The following CACNB4 variants were observed in gnomAD, a reference collection of about 807,000 sequenced individuals.
CACNB4 encodes the protein voltage-dependent L-type calcium channel subunit beta-4.
In CACNB4, 32 loss-of-function variants were observed where a neutral mutation model predicts 71.2. The ratio of observed to expected loss-of-function variants is 0.45; its 90% CI spans 0.34 to 0.60. The LOEUF (loss-of-function observed/expected upper bound fraction) is 0.60. Ranked by LOEUF, CACNB4 falls within the 20% of genes least tolerant of loss-of-function variation. CACNB4 has a pLI of 0.01. For missense variants in CACNB4, 464 were observed against 647.9 expected, an observed-to-expected ratio of 0.72 and a Z score of 3.08; for synonymous variants, 231 against 236.9, an observed-to-expected ratio of 0.97 and a Z score of 0.23.
At chr2:151,886,106 C>T (rs1157636645) in intron 2 of CACNB4, among the ~76,000 whole-genome samples, 1 of 152,088 alleles carries the variant, frequency 6.6e-6, no homozygotes, top group African/African-American at 2.4e-5. Context: ...AACCGCTGTG[C>T]CTGACCCAGT....
intron 2 of CACNB4, among the ~76,000 whole-genome samples, chr2:151,886,707 C>T (rs963842605): frequency 6.6e-6 from 1 of 152,030 alleles, no homozygotes; most frequent in African/African-American, 2.4e-5. Context: ...ATGTCATCTA[C>T]ATTGCTTTGT....
chr2:151,838,931 C>CATCT lies in CACNB4; in HGVS notation c.*184_*187dup. On this transcript the variant is annotated 3_prime_UTR_variant, in exon 14 of 14. Transcript: ENST00000539935. ...ACTTAAAAATATCTATATGATCGGG[C>CATCT]ATCTAATATCCATCTAGACTCAAGG... 1 of 485,206 alleles carries CATCT rather than the reference C, an allele frequency of 2.1e-6. No individual in the cohort carries two copies. The allele number at this position is 485,206 out of a possible 1,614,324, so 30.1% of individuals were successfully genotyped here.
intron 2 of CACNB4, among the ~76,000 whole-genome samples, chr2:152,027,041 G>A (rs1239428232): frequency 6.6e-6 from 1 of 152,040 alleles, no homozygotes; most frequent in African/African-American, 2.4e-5. Context: ...TCAGTAGCTG[G>A]GATTACAGGC....
chr2:151,998,803 G>A (rs751805526), intron 2 of CACNB4, among the ~76,000 whole-genome samples: 1 of 152,180 alleles, frequency 6.6e-6, no homozygotes, highest in Non-Finnish European at 1.5e-5. Flanking sequence ...TTCGAGGGCT[G>A]TCTACCCTAG....
intron 2 of CACNB4, 129 bp from the exon 3 acceptor site, chr2:151,883,499 C>T: frequency 3.7e-6 from 3 of 820,744 alleles, no homozygotes; most frequent in Admixed American, 4.0e-5. Context: ...TGCCTTATTG[C>T]AGATATAAAT....
At chr2:152,001,176 C>T (rs1013388238) in intron 2 of CACNB4, among the ~76,000 whole-genome samples, 28 of 152,120 alleles carry the variant, frequency 1.8e-4, no homozygotes, top group African/African-American at 6.8e-4. Context: ...AGGTCGGGAT[C>T]AGAGCACATG....
chr2:151,993,685 C>G (rs748545371), intron 2 of CACNB4, among the ~76,000 whole-genome samples: 2 of 151,690 alleles, frequency 1.3e-5, no homozygotes, highest in Non-Finnish European at 2.9e-5. Context: ...CTGCCTCAGC[C>G]TCCCGAGTAG....
At chr2:152,014,788 T>G (rs183251775) in intron 2 of CACNB4, among the ~76,000 whole-genome samples, 1 of 152,134 alleles carries the variant, frequency 6.6e-6, no homozygotes. Context: ...TAAAAAAAAG[T>G]CTTGTTGGCC....
chr2:152,071,781 C>A (rs1686707633), intron 2 of CACNB4, among the ~76,000 whole-genome samples: 1 of 152,182 alleles, frequency 6.6e-6, no homozygotes, highest in East Asian at 1.9e-4. Context: ...CCTTTTCCTT[C>A]TATTTTCTAA....
intron 2 of CACNB4, among the ~76,000 whole-genome samples, chr2:151,966,289 T>G (rs1457948719): frequency 1.3e-5 from 2 of 152,190 alleles, no homozygotes; most frequent in Non-Finnish European, 2.9e-5. Flanking sequence ...TTTATTTATT[T>G]ATTTTTTAAG....
chr2:152,029,830 T>C (rs900699954), intron 2 of CACNB4, among the ~76,000 whole-genome samples: 2 of 152,232 alleles, frequency 1.3e-5, no homozygotes, highest in Non-Finnish European at 2.9e-5. Flanking sequence ...GCACCATCCA[T>C]GAACCAGAAC....
intron 5 of CACNB4, chr2:151,873,686 G>A (rs189227975): frequency 8.5e-4 from 129 of 152,204 alleles, no homozygotes; most frequent in African/African-American, 3.1e-3. Flanking sequence ...GTGTAAGTGT[G>A]AAGAAAAAGG....
At chr2:152,080,527 C>T (rs541993499) in intron 2 of CACNB4, among the ~76,000 whole-genome samples, 56 of 152,258 alleles carry the variant, frequency 3.7e-4, no homozygotes, top group African/African-American at 1.3e-3. Context: ...TTTACTTTTA[C>T]CCTTGGACAT....
chr2:151,944,164 G>A (rs2099864988), intron 2 of CACNB4, among the ~76,000 whole-genome samples: 1 of 151,734 alleles, frequency 6.6e-6, no homozygotes, highest in African/African-American at 2.4e-5. Flanking sequence ...AAGTAGCTGA[G>A]ATGACACAAC....
intron 2 of CACNB4, among the ~76,000 whole-genome samples, chr2:151,954,583 A>T (rs1473045478): frequency 1.3e-5 from 2 of 152,204 alleles, no homozygotes; most frequent in Non-Finnish European, 2.9e-5. Flanking sequence ...TGCGGGGTTC[A>T]TTCAAATAAC....
chr2:151,882,056 T>A (rs560903061), intron 3 of CACNB4, among the ~76,000 whole-genome samples: 1 of 151,844 alleles, frequency 6.6e-6, no homozygotes, highest in South Asian at 2.1e-4. Flanking sequence ...ATTTTTTGTA[T>A]ATTTAGTAGA....
chr2:152,051,611 A>G (rs1364934209), intron 2 of CACNB4, among the ~76,000 whole-genome samples: 1 of 152,184 alleles, frequency 6.6e-6, no homozygotes, highest in African/African-American at 2.4e-5. Context: ...GTGAAAGTAC[A>G]AGAAGAAGAC....
chr2:152,078,493 G>A (rs186918919), intron 2 of CACNB4, among the ~76,000 whole-genome samples: 1 of 152,318 alleles, frequency 6.6e-6, no homozygotes, highest in East Asian at 1.9e-4. Flanking sequence ...CAGAAATAGA[G>A]CTGTCCCAAT....
At chr2:151,999,406 G>A (rs1672583822) in intron 2 of CACNB4, among the ~76,000 whole-genome samples, 1 of 151,526 alleles carries the variant, frequency 6.6e-6, no homozygotes, top group Admixed American at 6.6e-5. Flanking sequence ...TACCCTTTGG[G>A]GGAATCATTT....
Sources: gnomAD v4.1 joint callset for allele counts (sites outside exome capture counted in the v4.1 genomes callset) on GRCh38, gnomAD v4.1.1 for gene constraint, MANE v1.5 for transcripts, NCBI Gene and HGNC (gene_info 2026-07-23, HGNC 2026-07-21) for gene names.